Variants in CMC2 observed in about 807,000 individuals in gnomAD.
The protein encoded by CMC2 is C-X9-C motif containing 2.
Under a neutral mutation model 7.5 loss-of-function variants are expected in CMC2, and 5 were observed. The observed-to-expected ratio is 0.66, with a 90% CI of 0.35 to 1.40. The LOEUF (loss-of-function observed/expected upper bound fraction) is 1.40. Ranked by LOEUF, CMC2 falls within the 40% of genes most tolerant of loss-of-function variation. The probability of loss-of-function intolerance (pLI) is 0.04; values close to 1 mark genes in which losing one functional copy is unlikely to be tolerated. For synonymous variants in CMC2, 37 were observed against 31.4 expected, an observed-to-expected ratio of 1.18 and a Z score of -0.60; for missense variants, 115 against 92.3, an observed-to-expected ratio of 1.25 and a Z score of -1.01.
rs1437093044 is a variant in CMC2 at position 80,970,429 on chromosome 16, C to T, written c.*5664G>A. Reference sequence around the variant, plus strand: ...TGCAGTAGAGGTTGAGCAAGTCTATCTACAATTACCAAAAGGAACTTCCTT... The same window carrying T: ...TGCAGTAGAGGTTGAGCAAGTCTATTTACAATTACCAAAAGGAACTTCCTT... On this transcript the variant is annotated 3_prime_UTR_variant, in exon 4 of 4. Coordinates refer to ENST00000219400, the MANE Select transcript of CMC2 (RefSeq NM_020188.5). 1 of 152,200 alleles carries T rather than the reference C, an allele frequency of 6.6e-6. No homozygotes were observed. Among genetic ancestry groups the T allele is most frequent in the Non-Finnish European group, 1.5e-5 (1 of 68,038 alleles). The allele number at this position is 152,200 out of a possible 1,614,324, so 9.4% of individuals were successfully genotyped here.
At chr16:81,004,008 A>T (rs1209576519) in intron 1 of CMC2, among the ~76,000 whole-genome samples, 2 of 152,198 alleles carry the variant, frequency 1.3e-5, no homozygotes, top group Non-Finnish European at 2.9e-5. Context: ...AGATCACTTG[A>T]GGTCAGGAGT....
intron 2 of CMC2, among the ~76,000 whole-genome samples, chr16:80,987,291 T>G (rs1967616497): frequency 6.6e-6 from 1 of 152,138 alleles, no homozygotes. Flanking sequence ...AAAATGCTAA[T>G]AAGAAGAAGA....
chr16:80,987,187 A>T (rs1967607364), intron 2 of CMC2, among the ~76,000 whole-genome samples: 1 of 152,192 alleles, frequency 6.6e-6, no homozygotes, highest in African/African-American at 2.4e-5. Flanking sequence ...AATAGCTCTG[A>T]AAGGGACGCT....
chr16:80,983,712 T>C lies in CMC2; in HGVS notation c.82-1835A>G, dbSNP rs111820658. ...AAATAAGTAACACAGATGCGCGCAGTGGCTCACGCCTATAATCTCAGCACT... is the reference window on the plus strand; with the variant it reads ...AAATAAGTAACACAGATGCGCGCAGCGGCTCACGCCTATAATCTCAGCACT... On this transcript the variant is annotated intron_variant, in intron 2 of 3. Coordinates refer to ENST00000219400, the MANE Select transcript of CMC2 (RefSeq NM_020188.5). 776 of 152,340 alleles carry C rather than the reference T, an allele frequency of 5.1e-3. 2 individuals are homozygous for C. The highest frequency in any genetic ancestry group is 0.01 in the Middle Eastern group (3 of 294). The allele number at this position is 152,340 out of a possible 1,614,324, so 9.4% of individuals were successfully genotyped here.
chr16:80,976,422 T>A (rs1467055200), intron 3 of CMC2, among the ~76,000 whole-genome samples: 27 of 152,232 alleles, frequency 1.8e-4, no homozygotes, highest in Admixed American at 1.8e-3. Flanking sequence ...CAGTACAGCA[T>A]CTACATGCTA....
intron 3 of CMC2, among the ~76,000 whole-genome samples, chr16:80,979,433 A>G (rs899837641): frequency 2.0e-5 from 3 of 152,154 alleles, no homozygotes; most frequent in Admixed American, 6.5e-5. Context: ...AGACAATTTC[A>G]TATGAAGATC....
chr16:80,981,985 T>A (rs528880317), intron 2 of CMC2, 108 bp from the exon 3 acceptor site: 11 of 626,344 alleles, frequency 1.8e-5, no homozygotes, highest in African/African-American at 3.7e-5. Context: ...GTCACTTTGT[T>A]AATAAACAAG....
At chr16:80,981,736 G>C in intron 3 of CMC2, 70 bp downstream of exon 3, 2 of 967,804 alleles carry the variant, frequency 2.1e-6, no homozygotes, top group Non-Finnish European at 3.1e-6. Context: ...AATAATGGCA[G>C]TAATACACAA....
At position 80,984,288 on chromosome 16, in the gene CMC2, C is replaced by A. The variant is rs148642429; in HGVS notation, c.82-2411G>T. On this transcript the variant is annotated intron_variant, in intron 2 of 3. Coordinates refer to ENST00000219400, the MANE Select transcript of CMC2 (RefSeq NM_020188.5). ...AGCATGGTGATCTGTTTTATAATGA[C>A]AGGTCATAAATGCTGAACTTGGTAG... is the stretch of plus-strand genomic sequence containing the variant. Among the ~76,000 whole-genome samples, 16 of 152,338 alleles carry A rather than the reference C, an allele frequency of 1.1e-4. 1 individual carries two copies. The East Asian group carries it at 2.1e-3, about 20-fold the overall frequency.
chr16:81,003,500 A>G (rs1969018192), intron 1 of CMC2, among the ~76,000 whole-genome samples: 1 of 152,172 alleles, frequency 6.6e-6, no homozygotes, highest in African/African-American at 2.4e-5. Flanking sequence ...CACTGCCCAC[A>G]TTTTCATAGA....
chr16:80,988,685 C>G (rs1020506039), intron 2 of CMC2: 2 of 628,370 alleles, frequency 3.2e-6, no homozygotes, highest in African/African-American at 3.7e-5. Flanking sequence ...ATTTATAGAC[C>G]TTATTCAAAT....
intron 1 of CMC2, among the ~76,000 whole-genome samples, chr16:81,002,098 T>C (rs370052062): frequency 3.9e-5 from 6 of 152,364 alleles, no homozygotes; most frequent in African/African-American, 1.2e-4. Flanking sequence ...GTTAGTTTTC[T>C]GGTTTCTGCC....
chr16:80,978,485 A>G (rs1187256618), intron 3 of CMC2: 22 of 780,956 alleles, frequency 2.8e-5, no homozygotes, highest in Non-Finnish European at 3.7e-5. Context: ...TACAGACAGA[A>G]TGAAAGGCCA....
In CMC2 at chr16:81,001,679, T is replaced by TA. The variant is rs974733574; in HGVS notation, c.-35-4251dup. Among the ~76,000 whole-genome samples, 76 of 151,440 alleles carry TA rather than the reference T, an allele frequency of 5.0e-4. 1 individual carries two copies. Among genetic ancestry groups the TA allele is most frequent in the Admixed American group, 8.6e-4 (13 of 15,184 alleles). ...GTATGTAAATTATACCTCAAGCTGT[T>TA]AAAAAAAAACCTGTGAGAAATTCAA... On this transcript the variant is annotated intron_variant, in intron 1 of 3. Coordinates refer to ENST00000219400, the MANE Select transcript of CMC2 (RefSeq NM_020188.5).
intron 2 of CMC2, among the ~76,000 whole-genome samples, chr16:80,994,065 T>C (rs1049752451): frequency 1.3e-5 from 2 of 150,976 alleles, no homozygotes; most frequent in Non-Finnish European, 2.9e-5. Context: ...AAATTGATTT[T>C]TGACAAAGGG....
At chr16:80,976,750 G>A (rs943062614) in intron 3 of CMC2, among the ~76,000 whole-genome samples, 2 of 152,148 alleles carry the variant, frequency 1.3e-5, no homozygotes, top group African/African-American at 4.8e-5. Flanking sequence ...CAAAAGTGCT[G>A]CCTTGTCAAC....
intron 3 of CMC2, among the ~76,000 whole-genome samples, chr16:80,976,451 GC>G (rs1187338333): frequency 6.6e-6 from 1 of 152,156 alleles, no homozygotes; most frequent in Non-Finnish European, 1.5e-5. Context: ...ACAAATGTTT[GC>G]TCAATCAATT....
chr16:80,978,080 A>AAAAAAAAAAG (rs1912651497), intron 3 of CMC2, among the ~76,000 whole-genome samples: 1 of 152,100 alleles, frequency 6.6e-6, no homozygotes. Context: ...CTCAAAAAAA[A>AAAAAAAAAAG]AGCTACTTTA....
chr16:80,967,330 GTTT>G lies in CMC2; in HGVS notation c.*8760_*8762del, dbSNP rs1289933738. ...GTATCTGCTTTGAAAAGATATCCTCGTTTTTTGTTTTGTTTTGTTTTGTTTTTT... is the reference window on the plus strand; with the variant it reads ...GTATCTGCTTTGAAAAGATATCCTCGTTTGTTTTGTTTTGTTTTGTTTTTT... On this transcript the variant is annotated 3_prime_UTR_variant, in exon 4 of 4. Transcript: ENST00000219400. The G allele has an allele frequency of 2.0e-5, 3 of 152,928 alleles. No homozygotes were observed. Among genetic ancestry groups the G allele is most frequent in the Non-Finnish European group, 4.4e-5 (3 of 68,814 alleles). The allele number at this position is 152,928 out of a possible 1,614,324, so 9.5% of individuals were successfully genotyped here.
Sources: gnomAD v4.1 joint callset for allele counts (sites outside exome capture counted in the v4.1 genomes callset) on GRCh38, gnomAD v4.1.1 for gene constraint, MANE v1.5 for transcripts, NCBI Gene and HGNC (gene_info 2026-07-23, HGNC 2026-07-21) for gene names.